LRRC20: variants seen among roughly 807,000 people sequenced by gnomAD.
LRRC20 encodes leucine rich repeat containing 20, also known as leucine-rich repeat-containing protein 20.
Under a neutral mutation model 14.4 loss-of-function variants are expected in LRRC20, and 11 were observed. That is an observed-to-expected ratio of 0.77 (90% CI 0.48 to 1.27). LRRC20 has a LOEUF of 1.27. Ranked by LOEUF, LRRC20 falls within the 50% of genes most tolerant of loss-of-function variation. LRRC20 has a pLI of 0.00. For missense variants in LRRC20, 219 were observed against 251.2 expected, an observed-to-expected ratio of 0.87 and a Z score of 0.87; for synonymous variants, 121 against 107.3, an observed-to-expected ratio of 1.13 and a Z score of -0.79.
At chr10:70,337,020 A>G (rs569452668) in intron 3 of LRRC20, among the ~76,000 whole-genome samples, 2 of 152,290 alleles carry the variant, frequency 1.3e-5, no homozygotes, top group Non-Finnish European at 1.5e-5. Context: ...CTTCCATAAA[A>G]TGGATGAAGG....
At chr10:70,359,759 G>A (rs551884685) in intron 2 of LRRC20, among the ~76,000 whole-genome samples, 5 of 152,242 alleles carry the variant, frequency 3.3e-5, no homozygotes, top group Admixed American at 6.5e-5. Flanking sequence ...TTCCCATTAA[G>A]TAGAATGTTC....
At chr10:70,333,499 T>C (rs1456769577) in intron 3 of LRRC20, among the ~76,000 whole-genome samples, 1 of 152,236 alleles carries the variant, frequency 6.6e-6, no homozygotes, top group Non-Finnish European at 1.5e-5. Flanking sequence ...CAAAATGCCC[T>C]CTGACCTCAG....
intron 4 of LRRC20, among the ~76,000 whole-genome samples, chr10:70,312,320 G>C (rs528287314): frequency 6.6e-6 from 1 of 152,306 alleles, no homozygotes; most frequent in East Asian, 1.9e-4. Flanking sequence ...CAAGCAGACT[G>C]TGGTAACCTG....
intron 4 of LRRC20, among the ~76,000 whole-genome samples, chr10:70,308,743 G>C (rs1022014199): frequency 6.6e-6 from 1 of 152,166 alleles, no homozygotes; most frequent in Non-Finnish European, 1.5e-5. Context: ...AGGAAAAGAC[G>C]CAGAGACAGG....
At chr10:70,354,807 CGCTTTGTT>C (rs1843461873) in intron 2 of LRRC20, among the ~76,000 whole-genome samples, 1 of 152,190 alleles carries the variant, frequency 6.6e-6, no homozygotes, top group Non-Finnish European at 1.5e-5. Flanking sequence ...TCTCTTCTCT[CGCTTTGTT>C]CATGCTTCTG....
At chr10:70,326,722 G>A (rs1198655794) in intron 3 of LRRC20, among the ~76,000 whole-genome samples, 8 of 151,730 alleles carry the variant, frequency 5.3e-5, no homozygotes, top group African/African-American at 1.5e-4. Context: ...GTGTGATCTC[G>A]GCTCACTGCA....
At chr10:70,356,808 G>T (rs182417093) in intron 2 of LRRC20, among the ~76,000 whole-genome samples, 1 of 152,032 alleles carries the variant, frequency 6.6e-6, no homozygotes, top group African/African-American at 2.4e-5. Context: ...CCAAGATCGC[G>T]CCACTGCACT....
At chr10:70,349,139 A>T (rs56893377) in intron 2 of LRRC20, among the ~76,000 whole-genome samples, 34,804 of 152,186 alleles carry the variant, frequency 0.23, 4,198 homozygotes, top group East Asian at 0.38. Flanking sequence ...CACAGACAGT[A>T]TATAGTTCAC....
In LRRC20 at chr10:70,323,874, T is replaced by C; in HGVS notation, c.389A>G (p.Asn130Ser). ...PALETINLEENEIVDVPVEKL... is the reference protein window; with the variant it reads ...PALETINLEESEIVDVPVEKL... ...CCAGGCCCACTCACCTACGATCTCG[T>C]TCTCCTCCAGGTTGATGGTCTCCAG... Residue 130 changes from asparagine to serine, a missense_variant, in exon 4 of 5, where the codon AAC becomes AGC. Coordinates refer to ENST00000446961, the MANE Select transcript of LRRC20 (RefSeq NM_001278212.2). 1 of 1,614,064 alleles carries C rather than the reference T, an allele frequency of 6.2e-7. No homozygotes were observed. The highest frequency in any genetic ancestry group is 8.5e-7 in the Non-Finnish European group (1 of 1,179,972).
chr10:70,314,796 G>A (rs929037982), intron 4 of LRRC20, among the ~76,000 whole-genome samples: 1 of 152,184 alleles, frequency 6.6e-6, no homozygotes, highest in African/African-American at 2.4e-5. Flanking sequence ...GCTAGCAGGA[G>A]CGGGGCTGAC....
chr10:70,303,390 C>T (rs1841290078), intron 4 of LRRC20, among the ~76,000 whole-genome samples: 1 of 152,142 alleles, frequency 6.6e-6, no homozygotes, highest in Non-Finnish European at 1.5e-5. Context: ...ATGTGCCCTA[C>T]CTATATCACT....
intron 4 of LRRC20, among the ~76,000 whole-genome samples, chr10:70,316,378 C>G (rs1841860189): frequency 6.6e-6 from 1 of 152,218 alleles, no homozygotes. Context: ...AGTGATCCAC[C>G]TACCTCAGCA....
intron 2 of LRRC20, among the ~76,000 whole-genome samples, chr10:70,359,664 G>A (rs1204531207): frequency 1.3e-5 from 2 of 152,178 alleles, no homozygotes; most frequent in Admixed American, 1.3e-4. Context: ...CTTCATCAAA[G>A]CTCTTGCCCT....
chr10:70,312,094 A>G (rs1013307562), intron 4 of LRRC20, among the ~76,000 whole-genome samples: 1 of 152,132 alleles, frequency 6.6e-6, no homozygotes, highest in African/African-American at 2.4e-5. Context: ...GGACCTGGGG[A>G]AGTGTCAAGG....
intron 2 of LRRC20, among the ~76,000 whole-genome samples, chr10:70,355,389 C>G (rs1211038451): frequency 1.3e-5 from 2 of 152,116 alleles, no homozygotes; most frequent in African/African-American, 2.4e-5. Context: ...TGTTTCTGAG[C>G]CTGTTTCCTG....
At chr10:70,315,429 C>T (rs1202880486) in intron 4 of LRRC20, among the ~76,000 whole-genome samples, 1 of 152,174 alleles carries the variant, frequency 6.6e-6, no homozygotes, top group African/African-American at 2.4e-5. Context: ...TGCACTTTGG[C>T]CCACTTCCTT....
intron 3 of LRRC20, among the ~76,000 whole-genome samples, chr10:70,336,154 G>A (rs186274236): frequency 9.2e-5 from 14 of 152,302 alleles, no homozygotes; most frequent in Admixed American, 2.6e-4. Context: ...GCATGGAGCC[G>A]GGAGAGCTGA....
In LRRC20 at chr10:70,301,186, AC is replaced by A. The variant is rs1841163715; in HGVS notation, c.*167del. On this transcript the variant is annotated 3_prime_UTR_variant, in exon 5 of 5. Coordinates refer to ENST00000446961, the MANE Select transcript of LRRC20 (RefSeq NM_001278212.2). ...TCTTCCCTTGGGCATTCCAGAGCCC[AC>A]TACTGCTGTAAGCTATCTATCCAGA... 7.1e-7 allele frequency: 1 copy of A among 1,406,884 alleles called. No homozygotes were observed. The highest frequency in any genetic ancestry group is 9.2e-7 in the Non-Finnish European group (1 of 1,083,814). 87.2% of individuals were successfully genotyped at this position (1,406,884 alleles called of 1,614,324 possible).
At chr10:70,357,966 T>C (rs1843593375) in intron 2 of LRRC20, among the ~76,000 whole-genome samples, 1 of 152,202 alleles carries the variant, frequency 6.6e-6, no homozygotes, top group Non-Finnish European at 1.5e-5. Context: ...GAGGTCTTCC[T>C]GCAAGGAAAG....
Sources: allele counts gnomAD v4.1 joint callset (sites outside exome capture counted in the v4.1 genomes callset), GRCh38; gene constraint gnomAD v4.1.1; transcripts MANE v1.5; gene names NCBI Gene and HGNC (gene_info 2026-07-23, HGNC 2026-07-21).